Variants in GABRB2 observed in about 807,000 individuals in gnomAD.
The protein encoded by GABRB2 is gamma-aminobutyric acid type A receptor subunit beta2, also known as gamma-aminobutyric acid receptor subunit beta-2.
Under a neutral mutation model 54.7 loss-of-function variants are expected in GABRB2, and 16 were observed. The observed-to-expected ratio is 0.29, with a 90% confidence interval of 0.20 to 0.44. GABRB2 has a LOEUF of 0.44. Ranked by LOEUF, GABRB2 falls within the 20% of genes least tolerant of loss-of-function variation. The probability of loss-of-function intolerance (pLI) is 1.00; values close to 1 mark genes in which losing one functional copy is unlikely to be tolerated. For synonymous variants in GABRB2, 244 were observed against 233.8 expected (o/e 1.04, Z -0.40); for missense variants, 355 against 644.0 (o/e 0.55, Z 4.86).
intron 4 of GABRB2, among the ~76,000 whole-genome samples, chr5:161,458,689 TC>T (rs2113260764): frequency 6.6e-6 from 1 of 152,364 alleles, no homozygotes. Flanking sequence ...AGCCTCTGTT[TC>T]TTCATTTGAA....
intron 5 of GABRB2, among the ~76,000 whole-genome samples, chr5:161,401,949 T>C (rs1444298907): frequency 6.6e-6 from 1 of 152,154 alleles, no homozygotes; most frequent in Non-Finnish European, 1.5e-5. Context: ...CATGTGGCTA[T>C]TGAGCACATG....
intron 3 of GABRB2, among the ~76,000 whole-genome samples, chr5:161,467,464 C>A (rs34552907): frequency 0.022 from 3,411 of 152,122 alleles, 60 homozygotes; most frequent in Non-Finnish European, 0.034. Flanking sequence ...TTGGAAACTA[C>A]AAGAGCAAGT....
chr5:161,348,052 G>A (rs1580904384), intron 5 of GABRB2, among the ~76,000 whole-genome samples: 1 of 151,904 alleles, frequency 6.6e-6, no homozygotes, highest in African/African-American at 2.4e-5. Flanking sequence ...AGAATTTTGA[G>A]CAAATCATAT....
intron 3 of GABRB2, among the ~76,000 whole-genome samples, chr5:161,514,954 C>T (rs1759891280): frequency 6.6e-6 from 1 of 152,130 alleles, no homozygotes; most frequent in Non-Finnish European, 1.5e-5. Context: ...GAACCCAAGC[C>T]TTACCAGAGA....
intron 5 of GABRB2, among the ~76,000 whole-genome samples, chr5:161,392,293 A>G (rs34549953): frequency 9.2e-5 from 14 of 152,340 alleles, no homozygotes; most frequent in Non-Finnish European, 1.8e-4. Context: ...GTGTAATAGT[A>G]TTTATGATTA....
At chr5:161,485,465 A>C (rs1758892643) in intron 3 of GABRB2, among the ~76,000 whole-genome samples, 4 of 151,958 alleles carry the variant, frequency 2.6e-5, no homozygotes, top group Admixed American at 2.6e-4. Flanking sequence ...GCTGAGCATC[A>C]TTCTTTTTAA....
rs1166239248 is a variant in GABRB2, at chr5:161,428,678, C to A, written c.459-17621G>T. Among the ~76,000 whole-genome samples, 3 of 152,114 alleles carry A rather than the reference C, an allele frequency of 2.0e-5. No homozygotes were observed. The South Asian group carries it at 6.2e-4, about 31-fold the overall frequency. ...TGAATATTAATCTATTCATAGATAGCCTTCATTCAGCATGGTGCTTGCTAA... is the reference window on the plus strand; with the variant it reads ...TGAATATTAATCTATTCATAGATAGACTTCATTCAGCATGGTGCTTGCTAA... On this transcript the variant is annotated intron_variant, in intron 4 of 9. Coordinates refer to ENST00000393959, the MANE Select transcript of GABRB2 (RefSeq NM_001371727.1).
intron 3 of GABRB2, among the ~76,000 whole-genome samples, chr5:161,544,842 C>A (rs1271123814): frequency 2.0e-5 from 3 of 152,032 alleles, no homozygotes; most frequent in Non-Finnish European, 2.9e-5. Flanking sequence ...AGGCTATATT[C>A]TCCATTAAAT....
chr5:161,351,156 T>A (rs895179065), intron 5 of GABRB2, among the ~76,000 whole-genome samples: 1 of 152,122 alleles, frequency 6.6e-6, no homozygotes, highest in African/African-American at 2.4e-5. Flanking sequence ...GCACTCCTTA[T>A]CAAAATTCCA....
At chr5:161,424,273 T>G (rs1756933207) in intron 4 of GABRB2, among the ~76,000 whole-genome samples, 1 of 152,176 alleles carries the variant, frequency 6.6e-6, no homozygotes, top group Non-Finnish European at 1.5e-5. Flanking sequence ...AGCCTTCCAC[T>G]GGAAGAAGAT....
chr5:161,461,892 C>T (rs572654626), intron 3 of GABRB2, among the ~76,000 whole-genome samples: 4 of 152,260 alleles, frequency 2.6e-5, no homozygotes, highest in South Asian at 2.1e-4. Context: ...GTATAAGACA[C>T]ATACTTAAAT....
At chr5:161,400,096 A>C (rs1024841080) in intron 5 of GABRB2, among the ~76,000 whole-genome samples, 1 of 152,224 alleles carries the variant, frequency 6.6e-6, no homozygotes, top group Non-Finnish European at 1.5e-5. Flanking sequence ...GCAATAACAC[A>C]GGAAGCCAAG....
chr5:161,524,568 A>G (rs1435161792), intron 3 of GABRB2, among the ~76,000 whole-genome samples: 1 of 151,344 alleles, frequency 6.6e-6, no homozygotes, highest in Non-Finnish European at 1.5e-5. Context: ...GATGTAAGAA[A>G]AGCAGAAAAG....
chr5:161,297,413 C>G (rs1054206909), intron 9 of GABRB2, among the ~76,000 whole-genome samples: 2 of 152,088 alleles, frequency 1.3e-5, no homozygotes, highest in African/African-American at 4.8e-5. Flanking sequence ...GGTATTTCTC[C>G]TAATGCTATC....
chr5:161,518,571 G>C (rs1760021559), intron 3 of GABRB2, among the ~76,000 whole-genome samples: 1 of 152,166 alleles, frequency 6.6e-6, no homozygotes, highest in Admixed American at 6.5e-5. Context: ...CATAAAACAA[G>C]TTTTTTATAG....
At chr5:161,479,512 G>T (rs915327385) in intron 3 of GABRB2, among the ~76,000 whole-genome samples, 2 of 151,264 alleles carry the variant, frequency 1.3e-5, no homozygotes, top group African/African-American at 4.9e-5. Context: ...AAAATTTGAA[G>T]ACCATGAAAA....
At chr5:161,382,472 C>T (rs1755498910) in intron 5 of GABRB2, among the ~76,000 whole-genome samples, 1 of 152,118 alleles carries the variant, frequency 6.6e-6, no homozygotes. Flanking sequence ...CCTTTAATCA[C>T]ATAAGCGAAT....
chr5:161,393,468 C>T (rs1005154596), intron 5 of GABRB2, among the ~76,000 whole-genome samples: 70 of 151,556 alleles, frequency 4.6e-4, no homozygotes, highest in Middle Eastern at 3.4e-3. Flanking sequence ...CAGGAGGAAC[C>T]GTCAAAGCAT....
At chr5:161,492,462 A>T (rs1490104488) in intron 3 of GABRB2, among the ~76,000 whole-genome samples, 2 of 151,680 alleles carry the variant, frequency 1.3e-5, no homozygotes, top group African/African-American at 2.4e-5. Flanking sequence ...AAACCCAAGG[A>T]AGACTGTTAA....
Sources: gnomAD v4.1 joint callset for allele counts (sites outside exome capture counted in the v4.1 genomes callset) on GRCh38, gnomAD v4.1.1 for gene constraint, MANE v1.5 for transcripts, NCBI Gene and HGNC (gene_info 2026-07-23, HGNC 2026-07-21) for gene names.